Variants in ARMC9 observed in about 807,000 individuals in gnomAD.
ARMC9 encodes armadillo repeat containing 9.
ARMC9 carries 94 observed loss-of-function variants against 107.0 expected under a neutral mutation model. That is an observed-to-expected ratio of 0.88 (90% confidence interval 0.74 to 1.04). The LOEUF (loss-of-function observed/expected upper bound fraction) is 1.04. Among genes scored for constraint, ARMC9 ranks in the 50% least tolerant of loss-of-function variants. The pLI is 0.00. For synonymous variants in ARMC9, 380 were observed against 396.9 expected (o/e 0.96, Z 0.51); for missense variants, 942 against 1,030.1 (o/e 0.91, Z 1.17).
chr2:231,328,703 C>G (rs1376896793), intron 19 of ARMC9, among the ~76,000 whole-genome samples: 1 of 151,952 alleles, frequency 6.6e-6, no homozygotes, highest in African/African-American at 2.4e-5. Context: ...GTCCCTCTAC[C>G]AGTAGCATAC....
rs1259915183 is a variant in ARMC9, at chr2:231,312,179, C to T, written c.1773+15926C>T. 3.3e-5 allele frequency among the ~76,000 whole-genome samples: 5 copies of T among 152,212 alleles called. No individual in the cohort carries two copies. In the East Asian group the frequency reaches 9.6e-4, roughly 29 times the overall value. ...GTGGCTTCATTCGGCTGGATGTCAG[C>T]TGGGCCGGAAGGTTCGAGGTGGTTT... On this transcript the variant is annotated intron_variant, in intron 19 of 24. Transcript: ENST00000611582.
At chr2:231,256,308 C>T in intron 9 of ARMC9, 2 of 1,554,884 alleles carry the variant, frequency 1.3e-6, no homozygotes, top group Admixed American at 1.9e-5. Flanking sequence ...TTGCGCTGAG[C>T]TTGCTTGCTC....
At chr2:231,227,307 C>A (rs2034738203) in intron 7 of ARMC9, among the ~76,000 whole-genome samples, 1 of 152,160 alleles carries the variant, frequency 6.6e-6, no homozygotes. Flanking sequence ...TTTACCAGAA[C>A]TGTTCACTTT....
intron 1 of ARMC9, among the ~76,000 whole-genome samples, chr2:231,204,682 C>T (rs1336823279): frequency 1.3e-5 from 2 of 151,842 alleles, no homozygotes; most frequent in South Asian, 2.1e-4. Context: ...AGTGATGGGC[C>T]GACCTCTTAG....
intron 6 of ARMC9, among the ~76,000 whole-genome samples, chr2:231,226,193 G>C (rs1038489480): frequency 6.6e-6 from 1 of 152,186 alleles, no homozygotes; most frequent in African/African-American, 2.4e-5. Context: ...TATACAGTAC[G>C]TGAATAAAGC....
intron 9 of ARMC9, among the ~76,000 whole-genome samples, chr2:231,251,199 C>T (rs529448581): frequency 6.6e-6 from 1 of 152,096 alleles, no homozygotes; most frequent in South Asian, 2.1e-4. Context: ...TGGAGTCTGG[C>T]TCTGTCACCC....
intron 14 of ARMC9, 59 bp from the exon 15 acceptor site, chr2:231,276,577 T>C: frequency 6.2e-7 from 1 of 1,608,370 alleles, no homozygotes; most frequent in Admixed American, 1.7e-5. Flanking sequence ...GCCTACTGTT[T>C]CCTCTTATAT....
At chr2:231,229,588 T>A (rs1208932244) in intron 7 of ARMC9, among the ~76,000 whole-genome samples, 3 of 152,230 alleles carry the variant, frequency 2.0e-5, no homozygotes, top group African/African-American at 7.2e-5. Flanking sequence ...GATTCAACCC[T>A]TTCAGAATGA....
At chr2:231,201,323 A>T (rs966636555) in intron 1 of ARMC9, among the ~76,000 whole-genome samples, 5 of 152,300 alleles carry the variant, frequency 3.3e-5, no homozygotes, top group Admixed American at 2.0e-4. Context: ...GCCCTCCCTG[A>T]GGTAGCCACT....
Position 231,221,974 on chromosome 2 carries a change from G to C in ARMC9, c.505-754G>C, listed in dbSNP as rs139074062. 3.9e-3 allele frequency among the ~76,000 whole-genome samples: 587 copies of C among 152,232 alleles called. 7 individuals are homozygous for C. The highest frequency in any genetic ancestry group is 0.013 in the African/African-American group (559 of 41,510). On this transcript the variant is annotated intron_variant, in intron 5 of 24. Coordinates refer to ENST00000611582, the MANE Select transcript of ARMC9 (RefSeq NM_001352754.2). ...TGGAGAGGCAGAGACAGTGGGGAAGGATGGAAAGGTCTGAGGGCCATGGGG... is the reference window on the plus strand; with the variant it reads ...TGGAGAGGCAGAGACAGTGGGGAAGCATGGAAAGGTCTGAGGGCCATGGGG...
At chr2:231,327,454 C>A (rs554232973) in intron 19 of ARMC9, among the ~76,000 whole-genome samples, 2 of 152,288 alleles carry the variant, frequency 1.3e-5, no homozygotes, top group South Asian at 2.1e-4. Flanking sequence ...CCATTGAGGA[C>A]TGGCTTTTTT....
intron 23 of ARMC9, among the ~76,000 whole-genome samples, chr2:231,368,585 G>T (rs1042190790): frequency 6.6e-6 from 1 of 152,180 alleles, no homozygotes; most frequent in African/African-American, 2.4e-5. Context: ...GCAAAAGGTA[G>T]AATATGGAAA....
intron 7 of ARMC9, among the ~76,000 whole-genome samples, chr2:231,230,211 A>G (rs895985461): frequency 2.0e-5 from 3 of 152,090 alleles, no homozygotes; most frequent in African/African-American, 7.2e-5. Flanking sequence ...AAACTAAAAA[A>G]AATTAACCGA....
At chr2:231,263,868 T>A (rs2038609900) in intron 12 of ARMC9, among the ~76,000 whole-genome samples, 1 of 152,230 alleles carries the variant, frequency 6.6e-6, no homozygotes, top group South Asian at 2.1e-4. Flanking sequence ...TTGTTATAAC[T>A]TCCAAACTCA....
chr2:231,338,130 GCGT>G (rs1559482856), intron 20 of ARMC9, among the ~76,000 whole-genome samples: 10 of 152,322 alleles, frequency 6.6e-5, no homozygotes, highest in African/African-American at 2.4e-4. Context: ...GGCTTGGGAG[GCGT>G]CCTCTAAAAT....
At chr2:231,274,197 A>G (rs1397136639) in intron 14 of ARMC9, among the ~76,000 whole-genome samples, 1 of 152,126 alleles carries the variant, frequency 6.6e-6, no homozygotes, top group Non-Finnish European at 1.5e-5. Context: ...GGCTCACTGC[A>G]ACCTCCGCCT....
Position 231,369,955 on chromosome 2 carries a change from A to G in ARMC9, c.2264A>G (p.Glu755Gly). ...CCAGGTTGCACGTTTTGTTCTAGGGAATGTGCATCAGCCTTCACCTGCAAG... is the reference window on the plus strand; with the variant it reads ...CCAGGTTGCACGTTTTGTTCTAGGGGATGTGCATCAGCCTTCACCTGCAAG... ...QDPGNGVTTR[E>G]CASAFTCKPR... is the part of the protein sequence containing the mutation. Residue 755 changes from glutamate to glycine, a missense_variant and splice_region_variant, in exon 24 of 25, where the codon GAA becomes GGA. Transcript: ENST00000611582. 1.3e-6 allele frequency: 2 copies of G among 1,506,758 alleles called. No homozygotes were observed. Among genetic ancestry groups the G allele is most frequent in the Non-Finnish European group, 1.8e-6 (2 of 1,129,008 alleles). The allele number at this position is 1,506,758 out of a possible 1,614,324, so 93.3% of individuals were successfully genotyped here.
intron 9 of ARMC9, among the ~76,000 whole-genome samples, chr2:231,252,313 G>A (rs1312466016): frequency 2.6e-5 from 4 of 152,084 alleles, no homozygotes; most frequent in East Asian, 1.9e-4. Flanking sequence ...GCAATGGCAC[G>A]ATCTCGGCTC....
chr2:231,359,211 T>C (rs1389966489), intron 22 of ARMC9, among the ~76,000 whole-genome samples: 1 of 151,628 alleles, frequency 6.6e-6, no homozygotes, highest in African/African-American at 2.4e-5. Context: ...CTCAGCCTCC[T>C]GAGTAGCTGG....
Sources: allele counts gnomAD v4.1 joint callset (sites outside exome capture counted in the v4.1 genomes callset), GRCh38; gene constraint gnomAD v4.1.1; transcripts MANE v1.5; gene names NCBI Gene and HGNC (gene_info 2026-07-23, HGNC 2026-07-21).